The following TRUB1 variants were observed in gnomAD, a reference collection of about 807,000 sequenced individuals.
TRUB1 encodes the protein pseudouridylate synthase TRUB1.
Under a neutral mutation model 33.9 loss-of-function variants are expected in TRUB1, and 23 were observed. That is an observed-to-expected ratio of 0.68 (90% CI 0.49 to 0.96). The LOEUF is 0.96. Among genes scored for constraint, TRUB1 ranks in the 40% least tolerant of loss-of-function variants. The pLI, the probability that TRUB1 is intolerant of heterozygous loss-of-function variation, is 0.00. For missense variants in TRUB1, 378 were observed against 422.2 expected, an observed-to-expected ratio of 0.90 and a Z score of 0.92; for synonymous variants, 163 against 165.4, an observed-to-expected ratio of 0.99 and a Z score of 0.11.
chr10:114,953,879 G>T (rs1045305876), intron 3 of TRUB1, among the ~76,000 whole-genome samples: 9 of 152,056 alleles, frequency 5.9e-5, no homozygotes, highest in African/African-American at 2.2e-4. Flanking sequence ...TGAACTCATT[G>T]CAGGGAGGGC....
chr10:114,948,774 C>G (rs1237612731), intron 2 of TRUB1, among the ~76,000 whole-genome samples: 1 of 152,214 alleles, frequency 6.6e-6, no homozygotes, highest in South Asian at 2.1e-4. Flanking sequence ...CAGAAACCAT[C>G]ATGAGTTCAG....
In TRUB1 at chr10:114,974,348, T is replaced by A; in HGVS notation, c.756T>A (p.Gly252=). The change falls in exon 7 of 8, where the codon GGT becomes GGA. Residue 252 remains glycine (G), a synonymous_variant. Transcript: ENST00000298746. ...TTCCAGATGTTGAATGTGGAGGAGGTTTTTATATCAGAAGCTTGGTCAGTG... is the reference window on the plus strand; with the variant it reads ...TTCCAGATGTTGAATGTGGAGGAGGATTTTATATCAGAAGCTTGGTCAGTG... ...FFTLDVECGG[G]FYIRSLVSDI... 2 of 1,612,416 alleles carry A rather than the reference T, an allele frequency of 1.2e-6. No individual in the cohort carries two copies. The highest frequency in any genetic ancestry group is 2.2e-5 in the South Asian group (2 of 90,992).
chr10:114,964,915 G>T (rs1306035941), intron 4 of TRUB1, among the ~76,000 whole-genome samples: 1 of 150,010 alleles, frequency 6.7e-6, no homozygotes, highest in Non-Finnish European at 1.5e-5. Flanking sequence ...ATTTCTTATA[G>T]ATTTTTTTCT....
chr10:114,958,493 T>G (rs1302451403), intron 3 of TRUB1, among the ~76,000 whole-genome samples: 1 of 152,218 alleles, frequency 6.6e-6, no homozygotes, highest in Non-Finnish European at 1.5e-5. Flanking sequence ...TTTTCTCATT[T>G]TTGTCTTGGG....
chr10:114,939,187 T>G (rs2084173613), intron 1 of TRUB1, among the ~76,000 whole-genome samples: 1 of 152,220 alleles, frequency 6.6e-6, no homozygotes, highest in Non-Finnish European at 1.5e-5. Context: ...GAGTGTTCAT[T>G]TTATTGATTC....
At chr10:114,955,995 A>G (rs937144165) in intron 3 of TRUB1, among the ~76,000 whole-genome samples, 1 of 152,196 alleles carries the variant, frequency 6.6e-6, no homozygotes, top group Non-Finnish European at 1.5e-5. Context: ...TTAAATCACA[A>G]GCTTTCAAAA....
intron 1 of TRUB1, among the ~76,000 whole-genome samples, chr10:114,940,753 G>A (rs2084182937): frequency 6.6e-6 from 1 of 152,134 alleles, no homozygotes; most frequent in Non-Finnish European, 1.5e-5. Flanking sequence ...TACTCCAAGG[G>A]GTGTCAAGTT....
At position 114,938,361 on chromosome 10, in the gene TRUB1, A is replaced by C; in HGVS notation, c.108A>C (p.Ser36=). Residue 36 remains serine (S), a synonymous_variant, in exon 1 of 8, where the codon TCA becomes TCC. Transcript: ENST00000298746. Reference sequence around the variant, plus strand: ...TCGCAGCAATGGCTGCGACCCCGTCAGCAAGGGCTGCAGCCGCGGTGGTTG... The same window carrying C: ...TCGCAGCAATGGCTGCGACCCCGTCCGCAAGGGCTGCAGCCGCGGTGGTTG... ...GTVAAMAATP[S]ARAAAAVVAA... 1 of 1,611,296 alleles carries C rather than the reference A, an allele frequency of 6.2e-7. No homozygotes were observed. The highest frequency in any genetic ancestry group is 1.7e-5 in the Admixed American group (1 of 59,200).
At chr10:114,972,352 A>T in intron 6 of TRUB1, 78 bp downstream of exon 6, 2 of 1,435,662 alleles carry the variant, frequency 1.4e-6, no homozygotes, top group South Asian at 2.7e-5. Flanking sequence ...TGTCATTTTA[A>T]TAGATCCGTA....
chr10:114,951,288 A>T (rs1049347215), intron 3 of TRUB1, 139 bp downstream of exon 3: 2 of 544,524 alleles, frequency 3.7e-6, no homozygotes, highest in Admixed American at 7.1e-5. Context: ...GTCTATAAAC[A>T]TATCTGAGAT....
intron 2 of TRUB1, among the ~76,000 whole-genome samples, chr10:114,950,307 A>T (rs979961164): frequency 1.3e-5 from 2 of 151,968 alleles, no homozygotes; most frequent in African/African-American, 4.8e-5. Flanking sequence ...TATTGGAGAT[A>T]TTTTTTCTAG....
At chr10:114,960,670 A>G (rs1199418119) in intron 4 of TRUB1, among the ~76,000 whole-genome samples, 1 of 152,202 alleles carries the variant, frequency 6.6e-6, no homozygotes, top group Non-Finnish European at 1.5e-5. Flanking sequence ...ATCAAGCAAC[A>G]TAATGAAAAG....
intron 4 of TRUB1, among the ~76,000 whole-genome samples, chr10:114,966,251 A>G (rs938921579): frequency 2.0e-5 from 3 of 152,116 alleles, no homozygotes; most frequent in Admixed American, 6.5e-5. Context: ...TTAAAAGACT[A>G]TCCTTTCTGT....
chr10:114,938,482 C>G lies in TRUB1; in HGVS notation c.229C>G (p.Pro77Ala). Residue 77 changes from proline to alanine, a missense_variant, in exon 1 of 8, where the codon CCC becomes GCC. By Grantham distance (27) the Pro-to-Ala change is conservative. Transcript: ENST00000298746. ...SLSGVFAVHK[P>A]KGPTSAELLN... ...GAGCGGCGTGTTCGCCGTGCACAAG[C>G]CCAAAGGGCCCACTTCAGCCGAGCT... is the stretch of plus-strand genomic sequence containing the variant. 6.3e-7 allele frequency: 1 copy of G among 1,583,720 alleles called. No individual in the cohort carries two copies.
chr10:114,968,158 GATTA>G (rs2084318959), intron 4 of TRUB1, among the ~76,000 whole-genome samples: 1 of 152,136 alleles, frequency 6.6e-6, no homozygotes. Flanking sequence ...AAATGTGTAT[GATTA>G]ATTACAGAGT....
At chr10:114,971,183 G>A (rs189663071) in intron 5 of TRUB1, among the ~76,000 whole-genome samples, 39 of 152,254 alleles carry the variant, frequency 2.6e-4, no homozygotes, top group African/African-American at 8.4e-4. Flanking sequence ...TCTTTCATGA[G>A]GGCTGCGCCC....
intron 1 of TRUB1, among the ~76,000 whole-genome samples, chr10:114,939,683 G>A (rs1222300175): frequency 6.6e-6 from 1 of 152,158 alleles, no homozygotes; most frequent in Non-Finnish European, 1.5e-5. Context: ...TTGCTTTGTT[G>A]CCTGAAAGTA....
intron 2 of TRUB1, among the ~76,000 whole-genome samples, chr10:114,950,448 A>G (rs1478211163): frequency 2.0e-5 from 3 of 152,200 alleles, no homozygotes; most frequent in Non-Finnish European, 4.4e-5. Context: ...TCTTAACAAA[A>G]AGAGAAGTGA....
chr10:114,974,262 A>T (rs1482306515), intron 6 of TRUB1, 67 bp from the exon 7 acceptor site: 43 of 1,191,432 alleles, frequency 3.6e-5, no homozygotes, highest in Non-Finnish European at 4.7e-5. Context: ...GTTTAGGGAC[A>T]TCATTTCTAT....
Sources: allele counts gnomAD v4.1 joint callset (sites outside exome capture counted in the v4.1 genomes callset), GRCh38; gene constraint gnomAD v4.1.1; transcripts MANE v1.5; gene names NCBI Gene and HGNC (gene_info 2026-07-23, HGNC 2026-07-21).